Variants in NAV2 observed in about 807,000 individuals in gnomAD.
NAV2 encodes neuron navigator 2.
In NAV2, 54 loss-of-function variants were observed where a neutral mutation model predicts 223.2. The ratio of observed to expected loss-of-function variants is 0.24; its 90% CI spans 0.19 to 0.30. The LOEUF (loss-of-function observed/expected upper bound fraction) is 0.30, where lower values mean the gene tolerates loss of function less well. NAV2 is among the 10% of genes least tolerant of loss of function. The pLI, the probability that NAV2 is intolerant of heterozygous loss-of-function variation, is 1.00. For synonymous variants in NAV2, 1,279 were observed against 1,239.3 expected, an observed-to-expected ratio of 1.03 and a Z score of -0.67; for missense variants, 2,806 against 3,147.5, an observed-to-expected ratio of 0.89 and a Z score of 2.60.
At chr11:19,816,631 G>C (rs1282914829) in intron 1 of NAV2, among the ~76,000 whole-genome samples, 5 of 152,144 alleles carry the variant, frequency 3.3e-5, no homozygotes, top group Non-Finnish European at 7.3e-5. Context: ...CCTGGACTTG[G>C]ATACATTAGC....
At chr11:19,554,974 T>A (rs1262113209) in intron 1 of NAV2, among the ~76,000 whole-genome samples, 5 of 138,144 alleles carry the variant, frequency 3.6e-5, no homozygotes, top group South Asian at 2.2e-4. Flanking sequence ...ATAAATTTTT[T>A]AAAAATGGGG....
At chr11:19,819,372 G>T (rs769475740) in intron 1 of NAV2, among the ~76,000 whole-genome samples, 4 of 152,166 alleles carry the variant, frequency 2.6e-5, no homozygotes, top group Non-Finnish European at 5.9e-5. Flanking sequence ...TGGGGGAAGG[G>T]CACCCTAGGC....
chr11:19,808,133 AAC>A (rs1437421215), intron 1 of NAV2, among the ~76,000 whole-genome samples: 1 of 152,222 alleles, frequency 6.6e-6, no homozygotes, highest in East Asian at 1.9e-4. Flanking sequence ...AAATGTGGCA[AAC>A]ACATATAAAG....
chr11:19,354,810 T>C (rs973914154), intron 1 of NAV2, among the ~76,000 whole-genome samples: 4 of 152,220 alleles, frequency 2.6e-5, no homozygotes, highest in Non-Finnish European at 4.4e-5. Context: ...CCTTAGCGGC[T>C]GGCTGTGGGA....
rs920002215 is a variant in NAV2, at chr11:19,998,615, T to A, written c.2768+14368T>A. Among the ~76,000 whole-genome samples the A allele has an allele frequency of 2.0e-5, 3 of 152,128 alleles. No homozygotes were observed. Among genetic ancestry groups the A allele is most frequent in the African/African-American group, 7.2e-5 (3 of 41,428 alleles). On this transcript the variant is annotated intron_variant, in intron 11 of 37. Transcript: ENST00000349880. This position sits in a 1 kb window ranked among gnomAD's most constrained non-coding sequence, Gnocchi z 5.0. ...CCTCATCACGCTTTACCTCCCTGAC[T>A]CCTGCCTTCATCCATTCCCCTGGAC...
intron 4 of NAV2, among the ~76,000 whole-genome samples, chr11:19,875,383 G>A (rs1406840375): frequency 2.6e-5 from 4 of 152,200 alleles, no homozygotes; most frequent in African/African-American, 9.7e-5. Flanking sequence ...ATAATAAGGT[G>A]TTGAATATTA....
intron 11 of NAV2, among the ~76,000 whole-genome samples, chr11:20,023,699 G>GGTGGGTGGGTGTGTGTGT (rs1554902315): frequency 2.0e-4 from 29 of 144,680 alleles, no homozygotes; most frequent in South Asian, 4.5e-4. Flanking sequence ...CAAATTGCTG[G>GGTGGGTGGGTGTGTGTGT]GTGTGTGTGT....
chr11:19,779,191 A>G (rs532152331), intron 1 of NAV2, among the ~76,000 whole-genome samples: 1 of 152,292 alleles, frequency 6.6e-6, no homozygotes, highest in South Asian at 2.1e-4. Context: ...AGGACCACCC[A>G]AGGTAGTTAT....
intron 1 of NAV2, among the ~76,000 whole-genome samples, chr11:19,798,259 C>T (rs951742843): frequency 6.6e-6 from 1 of 152,214 alleles, no homozygotes; most frequent in Non-Finnish European, 1.5e-5. Context: ...AGTGCACTCC[C>T]TTCTCACCTC....
intron 1 of NAV2, among the ~76,000 whole-genome samples, chr11:19,522,247 G>A (rs2043684535): frequency 7.1e-6 from 1 of 140,506 alleles, no homozygotes; most frequent in Non-Finnish European, 1.5e-5. Flanking sequence ...TCAAAATGAA[G>A]CCACATTGCA....
intron 10 of NAV2, among the ~76,000 whole-genome samples, chr11:19,949,318 C>T (rs1037532823): frequency 1.7e-4 from 26 of 152,178 alleles, no homozygotes; most frequent in Admixed American, 1.4e-3. Flanking sequence ...GAAAACAAAC[C>T]ATGTCGCATC....
At chr11:19,515,397 A>G (rs182348929) in intron 1 of NAV2, among the ~76,000 whole-genome samples, 1 of 152,206 alleles carries the variant, frequency 6.6e-6, no homozygotes, top group African/African-American at 2.4e-5. Flanking sequence ...TCAACCATGT[A>G]TTTTCTCTAC....
intron 1 of NAV2, among the ~76,000 whole-genome samples, chr11:19,533,673 T>C (rs2044094581): frequency 6.6e-6 from 1 of 151,700 alleles, no homozygotes; most frequent in Non-Finnish European, 1.5e-5. Flanking sequence ...TTTCTGTCTG[T>C]CTGTCTCTCT....
Position 19,486,649 on chromosome 11 carries a change from C to T in NAV2, c.75+135622C>T, listed in dbSNP as rs189551816. Among the ~76,000 whole-genome samples, 575 of 152,288 alleles carry T rather than the reference C, an allele frequency of 3.8e-3. 2 individuals are homozygous for T. Among genetic ancestry groups the T allele is most frequent in the South Asian group, 3.5e-3 (17 of 4,822 alleles). On this transcript the variant is annotated intron_variant, in intron 1 of 37. Coordinates refer to the NAV2 transcript ENST00000360655. ...CATGATTGTAAATTTCCTGAGGCCT[C>T]CCCAAACATGTGGAACTGTGAGTCA...
At chr11:19,363,399 G>A (rs1040652939) in intron 1 of NAV2, among the ~76,000 whole-genome samples, 1 of 152,108 alleles carries the variant, frequency 6.6e-6, no homozygotes, top group Non-Finnish European at 1.5e-5. Context: ...CATTTGGGTT[G>A]GTTCCAAAGG....
At chr11:19,493,161 C>T (rs1256452334) in intron 1 of NAV2, among the ~76,000 whole-genome samples, 2 of 152,080 alleles carry the variant, frequency 1.3e-5, no homozygotes, top group Non-Finnish European at 2.9e-5. Context: ...TCTCTACTCC[C>T]CTGCCCCCTC....
intron 10 of NAV2, among the ~76,000 whole-genome samples, chr11:19,959,688 C>G (rs1159434878): frequency 6.6e-6 from 1 of 152,174 alleles, no homozygotes; most frequent in Non-Finnish European, 1.5e-5. Flanking sequence ...ATGCTCTTCC[C>G]CGCATGACTC....
chr11:20,067,854 T>G (rs1180120728), intron 20 of NAV2, among the ~76,000 whole-genome samples: 1 of 152,090 alleles, frequency 6.6e-6, no homozygotes, highest in East Asian at 1.9e-4. Flanking sequence ...TTTTGTTTAC[T>G]AAATCTGACT....
chr11:19,513,963 G>A (rs752275), intron 1 of NAV2, among the ~76,000 whole-genome samples: 24,039 of 152,182 alleles, frequency 0.16, 2,076 homozygotes, highest in Admixed American at 0.21. Context: ...GCATGGCGCT[G>A]CTCACACCTT....
Sources: allele counts gnomAD v4.1 joint callset (sites outside exome capture counted in the v4.1 genomes callset), GRCh38; gene constraint gnomAD v4.1.1; non-coding constraint Gnocchi (gnomAD v3.1); transcripts MANE v1.5; gene names NCBI Gene and HGNC (gene_info 2026-07-23, HGNC 2026-07-21).